Variants in IGFL2 observed in about 807,000 individuals in gnomAD.
The protein encoded by IGFL2 is insulin growth factor-like family member 2.
A neutral mutation model predicts 13.9 loss-of-function variants in IGFL2; 7 were observed. That is an observed-to-expected ratio of 0.51 (90% CI 0.29 to 0.95). The LOEUF (loss-of-function observed/expected upper bound fraction) is 0.95, where lower values mean the gene tolerates loss of function less well. Among genes scored for constraint, IGFL2 ranks in the 40% least tolerant of loss-of-function variants. IGFL2 has a pLI of 0.08. For synonymous variants in IGFL2, 55 were observed against 55.8 expected, an observed-to-expected ratio of 0.99 and a Z score of 0.07; for missense variants, 138 against 147.8, an observed-to-expected ratio of 0.93 and a Z score of 0.34.
the IGFL2 span, among the ~76,000 whole-genome samples, chr19:46,186,598 G>A: frequency 3.9e-5 from 6 of 152,142 alleles, no homozygotes; most frequent in Non-Finnish European, 5.9e-5. Context: ...ATCACATCCC[G>A]TTTCTCCTAG....
chr19:46,202,662 G>T, the IGFL2 span: 2 of 152,222 alleles, frequency 1.3e-5, no homozygotes, highest in Non-Finnish European at 2.9e-5. Context: ...GACACCAAGG[G>T]AAGACTGTCT....
At chr19:46,171,113 A>G in the IGFL2 span, among the ~76,000 whole-genome samples, 8 of 152,180 alleles carry the variant, frequency 5.3e-5, no homozygotes, top group Admixed American at 2.0e-4. Flanking sequence ...CTCAGGGGGC[A>G]TCATGGAACC....
the IGFL2 span, among the ~76,000 whole-genome samples, chr19:46,127,128 G>A: frequency 6.6e-6 from 1 of 152,302 alleles, no homozygotes; most frequent in East Asian, 1.9e-4. Context: ...GCTGACACCT[G>A]TAATCCTGGC....
the IGFL2 span, among the ~76,000 whole-genome samples, chr19:46,135,774 C>T: frequency 1.3e-5 from 2 of 152,218 alleles, no homozygotes; most frequent in Non-Finnish European, 2.9e-5. Flanking sequence ...GACTCCGTAT[C>T]TCTTTTCCAG....
chr19:46,183,739 T>A, the IGFL2 span, among the ~76,000 whole-genome samples: 1 of 152,126 alleles, frequency 6.6e-6, no homozygotes, highest in Admixed American at 6.5e-5. Flanking sequence ...TTTCATGATG[T>A]TGGCCAGGCT....
chr19:46,145,935 C>T (rs553744291), upstream of IGFL2, among the ~76,000 whole-genome samples: 127 of 152,226 alleles, frequency 8.3e-4, 2 homozygotes, highest in Middle Eastern at 0.017. Context: ...AGTTGGTAGC[C>T]TGTCTGTTGC....
the IGFL2 span, among the ~76,000 whole-genome samples, chr19:46,116,312 A>G: frequency 1.3e-5 from 2 of 152,210 alleles, no homozygotes; most frequent in Non-Finnish European, 2.9e-5. Context: ...CACCGTTGAT[A>G]ATGCATTGCT....
the IGFL2 span, among the ~76,000 whole-genome samples, chr19:46,093,041 C>T: frequency 1.3e-5 from 2 of 152,204 alleles, no homozygotes; most frequent in South Asian, 4.2e-4. Context: ...AGCTAATAAA[C>T]TTAAGTCTGT....
chr19:46,154,026 C>T (rs1056211321), intron 1 of IGFL2, among the ~76,000 whole-genome samples: 1 of 151,888 alleles, frequency 6.6e-6, no homozygotes, highest in African/African-American at 2.4e-5. Context: ...TGTGATGTTC[C>T]CCTCCCTGTG....
the IGFL2 span, among the ~76,000 whole-genome samples, chr19:46,122,842 G>A: frequency 3.3e-5 from 5 of 150,814 alleles, no homozygotes; most frequent in Non-Finnish European, 5.9e-5. Flanking sequence ...AAGGTGGGAG[G>A]AAGGGGAGGA....
the IGFL2 span, among the ~76,000 whole-genome samples, chr19:46,114,636 T>A: frequency 1.3e-5 from 2 of 152,186 alleles, no homozygotes; most frequent in Non-Finnish European, 2.9e-5. Context: ...GAGTGAGTTC[T>A]CCTGAGATCT....
At chr19:46,116,404 A>G in the IGFL2 span, among the ~76,000 whole-genome samples, 3 of 152,214 alleles carry the variant, frequency 2.0e-5, no homozygotes, top group Admixed American at 1.3e-4. Context: ...GAAATCCTAG[A>G]TTTTAGTAAT....
the IGFL2 span, among the ~76,000 whole-genome samples, chr19:46,089,629 G>A: frequency 1.3e-5 from 2 of 151,334 alleles, no homozygotes; most frequent in Non-Finnish European, 2.9e-5. Context: ...GATCCTTTTA[G>A]GGTATAGTAT....
chr19:46,088,385 A>G, the IGFL2 span, among the ~76,000 whole-genome samples: 2 of 152,328 alleles, frequency 1.3e-5, no homozygotes, highest in Admixed American at 6.5e-5. Flanking sequence ...TAATGAACCC[A>G]TATGTTTAAT....
At chr19:46,183,944 AT>A in the IGFL2 span, among the ~76,000 whole-genome samples, 7 of 151,702 alleles carry the variant, frequency 4.6e-5, no homozygotes, top group East Asian at 1.9e-4. Context: ...GGTTTTCAGC[AT>A]TTTTTCCCCT....
At chr19:46,078,862 G>GATGGGTGAGGCGGCTT in the IGFL2 span, among the ~76,000 whole-genome samples, 3 of 146,240 alleles carry the variant, frequency 2.1e-5, no homozygotes, top group Admixed American at 6.8e-5. Context: ...TCGCGCAGGC[G>GATGGGTGAGGCGGCTT]TCGTCAGTAG....
At chr19:46,117,964 G>A in the IGFL2 span, among the ~76,000 whole-genome samples, 5 of 152,040 alleles carry the variant, frequency 3.3e-5, no homozygotes, top group South Asian at 4.1e-4. Flanking sequence ...AGCATGCAGT[G>A]TCCTCCCTCA....
At chr19:46,088,536 A>G in the IGFL2 span, among the ~76,000 whole-genome samples, 3 of 152,220 alleles carry the variant, frequency 2.0e-5, no homozygotes, top group African/African-American at 7.2e-5. Flanking sequence ...TACTTGGCTA[A>G]CTGCTAACCA....
intron 1 of IGFL2, chr19:46,149,037 GGTAA>G: frequency 6.2e-7 from 1 of 1,604,466 alleles, no homozygotes; most frequent in Non-Finnish European, 8.5e-7. Flanking sequence ...GAGTGTGCTG[GGTAA>G]GTAAGGGCAG....
Sources: gnomAD v4.1 joint callset for allele counts (sites outside exome capture counted in the v4.1 genomes callset) on GRCh38, gnomAD v4.1.1 for gene constraint, MANE v1.5 for transcripts, NCBI Gene and HGNC (gene_info 2026-07-23, HGNC 2026-07-21) for gene names.